The following MAP7 variants were observed in gnomAD, a reference collection of about 807,000 sequenced individuals.
MAP7 encodes microtubule associated protein 7.
In MAP7, 52 loss-of-function variants were observed where a neutral mutation model predicts 94.8. The ratio of observed to expected loss-of-function variants is 0.55; its 90% CI spans 0.44 to 0.69. The LOEUF is 0.69. Ranked by LOEUF, MAP7 falls within the 30% of genes least tolerant of loss-of-function variation. The pLI is 0.00. For synonymous variants in MAP7, 350 were observed against 357.0 expected, an observed-to-expected ratio of 0.98 and a Z score of 0.22; for missense variants, 940 against 964.6, an observed-to-expected ratio of 0.97 and a Z score of 0.34.
intron 8 of MAP7, among the ~76,000 whole-genome samples, chr6:136,367,685 C>A (rs929326715): frequency 1.3e-5 from 2 of 152,172 alleles, no homozygotes; most frequent in Non-Finnish European, 2.9e-5. Flanking sequence ...AGCTCTGCAT[C>A]ATTTCCAGCT....
chr6:136,548,790 ATGT>A (rs1329180891), intron 1 of MAP7, among the ~76,000 whole-genome samples: 1 of 152,228 alleles, frequency 6.6e-6, no homozygotes, highest in Non-Finnish European at 1.5e-5. Flanking sequence ...CGCTAGAACA[ATGT>A]TGTTTCACAT....
chr6:136,428,275 G>A (rs1441015751), intron 1 of MAP7, among the ~76,000 whole-genome samples: 1 of 152,132 alleles, frequency 6.6e-6, no homozygotes, highest in African/African-American at 2.4e-5. Flanking sequence ...CAGCACTTTG[G>A]GAGGCTGAGG....
At chr6:136,505,269 GTGTGTGTGTATA>G (rs1345126272) in intron 1 of MAP7, among the ~76,000 whole-genome samples, 19 of 99,484 alleles carry the variant, frequency 1.9e-4, no homozygotes, top group African/African-American at 8.3e-4. Context: ...GTGTGTGTGT[GTGTGTGTGTATA>G]TATATATATA....
intron 1 of MAP7, among the ~76,000 whole-genome samples, chr6:136,539,672 C>G (rs973070347): frequency 3.3e-5 from 5 of 152,124 alleles, no homozygotes; most frequent in African/African-American, 1.2e-4. Flanking sequence ...GGAGCAGGCA[C>G]GAATGCAACT....
intron 8 of MAP7, among the ~76,000 whole-genome samples, chr6:136,371,709 C>G (rs1239915969): frequency 6.6e-6 from 1 of 152,170 alleles, no homozygotes; most frequent in Non-Finnish European, 1.5e-5. Context: ...ACTGGTGAGT[C>G]CTTTAAGACT....
intron 16 of MAP7, among the ~76,000 whole-genome samples, chr6:136,354,817 T>G (rs1790413966): frequency 6.6e-6 from 1 of 152,214 alleles, no homozygotes; most frequent in Non-Finnish European, 1.5e-5. Flanking sequence ...TATAGTAAAA[T>G]TATTTTTCAG....
intron 1 of MAP7, among the ~76,000 whole-genome samples, chr6:136,467,244 T>C (rs113560725): frequency 6.6e-6 from 1 of 152,194 alleles, no homozygotes; most frequent in Non-Finnish European, 1.5e-5. Flanking sequence ...CTGTCTGTCT[T>C]TGGGCTTCCT....
chr6:136,536,213 T>C (rs1828877109), intron 1 of MAP7, among the ~76,000 whole-genome samples: 1 of 152,224 alleles, frequency 6.6e-6, no homozygotes, highest in African/African-American at 2.4e-5. Flanking sequence ...AAGAAGTAGA[T>C]ATTACTAGCA....
chr6:136,473,083 C>T (rs1436705809), intron 1 of MAP7, among the ~76,000 whole-genome samples: 1 of 152,118 alleles, frequency 6.6e-6, no homozygotes, highest in Non-Finnish European at 1.5e-5. Flanking sequence ...CTCTTCTTTC[C>T]ACCTGAAATG....
At chr6:136,487,335 T>C (rs974443139) in intron 1 of MAP7, among the ~76,000 whole-genome samples, 8 of 152,164 alleles carry the variant, frequency 5.3e-5, no homozygotes, top group Non-Finnish European at 7.4e-5. Context: ...ACCAGAATAA[T>C]AAATACCAAA....
intron 1 of MAP7, among the ~76,000 whole-genome samples, chr6:136,510,792 T>C (rs187269203): frequency 1.4e-4 from 22 of 152,252 alleles, no homozygotes; most frequent in Admixed American, 7.9e-4. Context: ...CAGGTATGTA[T>C]AGAAAAAACA....
intron 2 of MAP7, among the ~76,000 whole-genome samples, chr6:136,415,827 G>A (rs1471535896): frequency 6.6e-6 from 1 of 152,168 alleles, no homozygotes. Context: ...CATTAGTGCT[G>A]AAATAATTAC....
At chr6:136,548,579 CT>C (rs1201456385) in intron 1 of MAP7, among the ~76,000 whole-genome samples, 3 of 152,156 alleles carry the variant, frequency 2.0e-5, no homozygotes, top group Non-Finnish European at 4.4e-5. Flanking sequence ...GCCAATTTAA[CT>C]CCCTTTTTAA....
Position 136,398,697 on chromosome 6 carries a change from C to T in MAP7, c.245-9180G>A, listed in dbSNP as rs529222022. On this transcript the variant is annotated intron_variant, in intron 3 of 17. Transcript: ENST00000354570. ...AGGAATTGCCCTTTGCCTCCTGCTA[C>T]GATTCTGAGGTCTCCTCAGCCACGT... is the stretch of plus-strand genomic sequence containing the variant. Among the ~76,000 whole-genome samples, 7 of 152,348 alleles carry T rather than the reference C, an allele frequency of 4.6e-5. No homozygotes were observed. In the East Asian group the frequency reaches 7.7e-4, roughly 17 times the overall value.
intron 1 of MAP7, among the ~76,000 whole-genome samples, chr6:136,487,213 GA>G (rs749068842): frequency 2.0e-5 from 3 of 152,154 alleles, no homozygotes; most frequent in Non-Finnish European, 4.4e-5. Flanking sequence ...CATTGCAGAA[GA>G]ATGTTTCAAA....
intron 1 of MAP7, among the ~76,000 whole-genome samples, chr6:136,447,728 T>C (rs1403525498): frequency 6.6e-6 from 1 of 152,216 alleles, no homozygotes; most frequent in Non-Finnish European, 1.5e-5. Context: ...ACCTCTTGTA[T>C]CAATATCAAC....
chr6:136,375,629 T>C (rs1263508681), intron 7 of MAP7, among the ~76,000 whole-genome samples: 2 of 152,178 alleles, frequency 1.3e-5, no homozygotes, highest in East Asian at 3.8e-4. Flanking sequence ...GCATATATAC[T>C]TCTAAATGAA....
chr6:136,441,941 G>T (rs1455798018), intron 1 of MAP7, among the ~76,000 whole-genome samples: 1 of 152,058 alleles, frequency 6.6e-6, no homozygotes, highest in African/African-American at 2.4e-5. Context: ...GAGCCTGGGA[G>T]GTAGAGGCTG....
intron 8 of MAP7, among the ~76,000 whole-genome samples, chr6:136,366,856 TC>T (rs1794468777): frequency 6.6e-6 from 1 of 151,912 alleles, no homozygotes; most frequent in South Asian, 2.1e-4. Flanking sequence ...TTCAACATTT[TC>T]CCCCCAAACA....
Sources: gnomAD v4.1 joint callset for allele counts (sites outside exome capture counted in the v4.1 genomes callset) on GRCh38, gnomAD v4.1.1 for gene constraint, MANE v1.5 for transcripts, NCBI Gene and HGNC (gene_info 2026-07-23, HGNC 2026-07-21) for gene names.